The following SPOCK3 variants were observed in gnomAD, a reference collection of about 807,000 sequenced individuals.
SPOCK3 encodes the protein testican-3.
A neutral mutation model predicts 56.6 loss-of-function variants in SPOCK3; 30 were observed. The ratio of observed to expected loss-of-function variants is 0.53; its 90% CI spans 0.40 to 0.72. The LOEUF is 0.72. SPOCK3 is among the 30% of genes least tolerant of loss of function. SPOCK3 has a pLI of 0.00. For missense variants in SPOCK3, 527 were observed against 530.0 expected (o/e 0.99, Z 0.06); for synonymous variants, 196 against 183.3 (o/e 1.07, Z -0.56).
chr4:166,816,432 C>T (rs539836137), intron 6 of SPOCK3, among the ~76,000 whole-genome samples: 1 of 152,002 alleles, frequency 6.6e-6, no homozygotes, highest in Non-Finnish European at 1.5e-5. Context: ...TGTATGTGTA[C>T]ATTTTGGCCC....
intron 3 of SPOCK3, among the ~76,000 whole-genome samples, chr4:167,028,112 A>G (rs937818842): frequency 2.0e-5 from 3 of 151,866 alleles, no homozygotes; most frequent in Non-Finnish European, 4.4e-5. Context: ...ATTCTTTTTA[A>G]TTGAGTAAAA....
chr4:167,070,253 C>T (rs1011195820), intron 2 of SPOCK3, among the ~76,000 whole-genome samples: 4 of 151,890 alleles, frequency 2.6e-5, no homozygotes, highest in Non-Finnish European at 5.9e-5. Flanking sequence ...AGGAGTAGGT[C>T]AACCAGCCAA....
At chr4:167,132,736 G>C (rs994685448) in intron 2 of SPOCK3, among the ~76,000 whole-genome samples, 1 of 151,972 alleles carries the variant, frequency 6.6e-6, no homozygotes, top group South Asian at 2.1e-4. Flanking sequence ...ATAGCTGCCC[G>C]TAAACCCTGG....
chr4:166,872,920 A>T (rs1432825206), intron 6 of SPOCK3, among the ~76,000 whole-genome samples: 1 of 152,114 alleles, frequency 6.6e-6, no homozygotes, highest in Non-Finnish European at 1.5e-5. Flanking sequence ...GTGTAAAGCG[A>T]TCACCTGGTG....
chr4:166,767,066 G>T (rs1738188706), intron 7 of SPOCK3, among the ~76,000 whole-genome samples: 1 of 152,052 alleles, frequency 6.6e-6, no homozygotes, highest in Admixed American at 6.6e-5. Flanking sequence ...GCATCTATTT[G>T]ATTCTTCTCT....
At chr4:167,170,436 TTC>T (rs1483051424) in intron 2 of SPOCK3, among the ~76,000 whole-genome samples, 1 of 152,212 alleles carries the variant, frequency 6.6e-6, no homozygotes, top group Non-Finnish European at 1.5e-5. Flanking sequence ...CTATACACTT[TTC>T]TAAGCAGAGA....
At chr4:166,847,122 A>G (rs998792017) in intron 6 of SPOCK3, among the ~76,000 whole-genome samples, 2 of 152,138 alleles carry the variant, frequency 1.3e-5, no homozygotes, top group African/African-American at 4.8e-5. Flanking sequence ...ATTTACATCA[A>G]AATGGAAGAC....
At chr4:166,852,709 A>C (rs12331675) in intron 6 of SPOCK3, among the ~76,000 whole-genome samples, 12,559 of 152,104 alleles carry the variant, frequency 0.083, 587 homozygotes, top group Non-Finnish European at 0.11. Context: ...CATGCAACAA[A>C]CCTTAATGAG....
intron 6 of SPOCK3, among the ~76,000 whole-genome samples, chr4:166,860,135 A>G (rs990668234): frequency 6.6e-6 from 1 of 152,122 alleles, no homozygotes; most frequent in Admixed American, 6.6e-5. Context: ...CATATCACCT[A>G]GAGTGTTGTA....
chr4:166,958,751 G>A (rs1014660261), intron 4 of SPOCK3, among the ~76,000 whole-genome samples: 5 of 152,116 alleles, frequency 3.3e-5, no homozygotes, highest in Non-Finnish European at 7.4e-5. Context: ...TCTTTATTTT[G>A]CTATTGTCTG....
chr4:167,121,894 T>A (rs1365853621), intron 2 of SPOCK3, among the ~76,000 whole-genome samples: 1,844 of 152,208 alleles, frequency 0.012, 20 homozygotes, highest in Non-Finnish European at 0.018. Context: ...ATTATAAGTG[T>A]CATACATAAA....
intron 6 of SPOCK3, among the ~76,000 whole-genome samples, chr4:166,885,727 A>G (rs1356419961): frequency 6.6e-6 from 1 of 152,222 alleles, no homozygotes; most frequent in Non-Finnish European, 1.5e-5. Flanking sequence ...GTTGGGGTTA[A>G]AATATTCAAA....
intron 2 of SPOCK3, among the ~76,000 whole-genome samples, chr4:167,106,112 A>G (rs1490363748): frequency 6.6e-6 from 1 of 151,962 alleles, no homozygotes; most frequent in Non-Finnish European, 1.5e-5. Context: ...CTTAATCTGC[A>G]TTATATAACC....
intron 6 of SPOCK3, among the ~76,000 whole-genome samples, chr4:166,857,206 C>T (rs941565304): frequency 1.3e-4 from 20 of 152,216 alleles, no homozygotes; most frequent in Non-Finnish European, 2.9e-4. Context: ...ATCCAGCTCA[C>T]TCATGCAGAT....
intron 4 of SPOCK3, among the ~76,000 whole-genome samples, chr4:166,982,338 T>C (rs1369531163): frequency 6.6e-6 from 1 of 152,232 alleles, no homozygotes; most frequent in Non-Finnish European, 1.5e-5. Flanking sequence ...TTATCCATCA[T>C]TTACGTAGAA....
In SPOCK3 at chr4:166,786,075, A is replaced by G. The variant is rs28437130; in HGVS notation, c.709+6095T>C. Among the ~76,000 whole-genome samples, 973 of 152,268 alleles carry G rather than the reference A, an allele frequency of 6.4e-3. 13 individuals are homozygous for G. Among genetic ancestry groups the G allele is most frequent in the African/African-American group, 0.022 (899 of 41,564 alleles). On this transcript the variant is annotated intron_variant, in intron 7 of 10. Coordinates refer to ENST00000357545, the MANE Select transcript of SPOCK3 (RefSeq NM_001040159.2). ...ATTTACTAGAAAGAATAATGAAGCA[A>G]CATAAAGAGGAGGTGAATGCTCTGG...
intron 2 of SPOCK3, among the ~76,000 whole-genome samples, chr4:167,179,069 A>C (rs926445796): frequency 2.0e-5 from 3 of 152,182 alleles, no homozygotes; most frequent in Non-Finnish European, 4.4e-5. Context: ...ACTGACTTGT[A>C]ACACTGCTAT....
chr4:167,070,589 T>C (rs1233977011), intron 2 of SPOCK3, among the ~76,000 whole-genome samples: 2 of 151,916 alleles, frequency 1.3e-5, no homozygotes, highest in African/African-American at 4.8e-5. Flanking sequence ...TGTATTTTGA[T>C]AGCTTGGATA....
chr4:166,840,280 T>C (rs538879975), intron 6 of SPOCK3, among the ~76,000 whole-genome samples: 3 of 152,320 alleles, frequency 2.0e-5, no homozygotes, highest in African/African-American at 7.2e-5. Context: ...TGGGACATAG[T>C]TGAGGTGCTT....
Sources: gnomAD v4.1 joint callset for allele counts (sites outside exome capture counted in the v4.1 genomes callset) on GRCh38, gnomAD v4.1.1 for gene constraint, MANE v1.5 for transcripts, NCBI Gene and HGNC (gene_info 2026-07-23, HGNC 2026-07-21) for gene names.